The following RNF38 variants were observed in gnomAD, a reference collection of about 807,000 sequenced individuals.
RNF38 encodes the protein E3 ubiquitin-protein ligase RNF38.
Under a neutral mutation model 67.2 loss-of-function variants are expected in RNF38, and 15 were observed. That is an observed-to-expected ratio of 0.22 (90% CI 0.15 to 0.34). The LOEUF is 0.34. Ranked by LOEUF, RNF38 falls within the 10% of genes least tolerant of loss-of-function variation. The pLI, the probability that RNF38 is intolerant of heterozygous loss-of-function variation, is 1.00. For synonymous variants in RNF38, 220 were observed against 218.8 expected (o/e 1.01, Z -0.05); for missense variants, 524 against 639.9 (o/e 0.82, Z 1.95).
intron 4 of RNF38, among the ~76,000 whole-genome samples, chr9:36,364,927 G>A (rs1029458440): frequency 6.6e-6 from 1 of 152,222 alleles, no homozygotes; most frequent in African/African-American, 2.4e-5. Context: ...AGACCAGGGT[G>A]TCAGTGGGCC....
intron 1 of RNF38, among the ~76,000 whole-genome samples, chr9:36,398,974 G>C (rs1837767249): frequency 6.6e-6 from 1 of 151,984 alleles, no homozygotes; most frequent in Non-Finnish European, 1.5e-5. Context: ...AGCACAAACA[G>C]AAACAGCCTA....
intron 9 of RNF38, 69 bp downstream of exon 9, chr9:36,351,046 A>G (rs972271725): frequency 3.5e-6 from 4 of 1,130,010 alleles, no homozygotes; most frequent in Non-Finnish European, 5.2e-6. Flanking sequence ...TGTGGTTTAA[A>G]GAGTTAAGTA....
At chr9:36,468,001 G>C (rs1219785635) in intron 1 of RNF38, among the ~76,000 whole-genome samples, 2 of 152,184 alleles carry the variant, frequency 1.3e-5, no homozygotes, top group Non-Finnish European at 2.9e-5. Flanking sequence ...CCAGCACTTT[G>C]GGATGCCAAG....
intron 11 of RNF38, 102 bp from the exon 12 acceptor site, chr9:36,339,916 T>C: frequency 1.9e-6 from 2 of 1,052,496 alleles, no homozygotes; most frequent in East Asian, 2.6e-5. Context: ...TTACATTCTT[T>C]CTTCCTCTGA....
At chr9:36,344,354 T>G (rs930975713) in intron 10 of RNF38, among the ~76,000 whole-genome samples, 3 of 152,174 alleles carry the variant, frequency 2.0e-5, no homozygotes, top group African/African-American at 7.2e-5. Context: ...TTATGGTATG[T>G]AAATTATATA....
At chr9:36,388,481 CA>C (rs148729022) in intron 2 of RNF38, among the ~76,000 whole-genome samples, 105 of 149,950 alleles carry the variant, frequency 7.0e-4, no homozygotes, top group African/African-American at 2.2e-3. Flanking sequence ...ATATGACTGA[CA>C]AAAAAAAAGC....
intron 1 of RNF38, among the ~76,000 whole-genome samples, chr9:36,476,323 C>A (rs1487712969): frequency 1.3e-5 from 2 of 151,888 alleles, no homozygotes. Flanking sequence ...TCCCCTTGGC[C>A]AAGCTGGTCT....
At chr9:36,469,127 T>TGG (rs2134406028) in intron 1 of RNF38, among the ~76,000 whole-genome samples, 1 of 152,060 alleles carries the variant, frequency 6.6e-6, no homozygotes, top group Non-Finnish European at 1.5e-5. Context: ...AGTAAAACCT[T>TGG]ACACAGAAAC....
At chr9:36,431,521 T>C (rs1357839676) in intron 1 of RNF38, among the ~76,000 whole-genome samples, 1 of 152,198 alleles carries the variant, frequency 6.6e-6, no homozygotes, top group Admixed American at 6.5e-5. Flanking sequence ...TTTTGTTTAC[T>C]GGTTTACTAT....
chr9:36,351,454 T>C (rs1246459698), intron 8 of RNF38, among the ~76,000 whole-genome samples: 1 of 152,190 alleles, frequency 6.6e-6, no homozygotes. Context: ...CACTTTCTCC[T>C]TAAAATAATC....
At chr9:36,416,425 G>C (rs1295463335) in intron 2 of RNF38, among the ~76,000 whole-genome samples, 1 of 152,086 alleles carries the variant, frequency 6.6e-6, no homozygotes, top group Non-Finnish European at 1.5e-5. Flanking sequence ...TTAGAGCAAG[G>C]CTGAGATTTT....
At chr9:36,479,517 A>T (rs556464258) in intron 1 of RNF38, among the ~76,000 whole-genome samples, 1 of 152,352 alleles carries the variant, frequency 6.6e-6, no homozygotes, top group African/African-American at 2.4e-5. Context: ...CACCATGCCC[A>T]GAAGACCAGG....
chr9:36,374,597 C>T (rs1249857573), intron 3 of RNF38, among the ~76,000 whole-genome samples: 1 of 152,138 alleles, frequency 6.6e-6, no homozygotes, highest in East Asian at 1.9e-4. Context: ...GCCTCAGATT[C>T]GCCCGTCTCA....
intron 1 of RNF38, among the ~76,000 whole-genome samples, chr9:36,471,473 G>A (rs561269530): frequency 2.3e-4 from 35 of 152,162 alleles, no homozygotes; most frequent in African/African-American, 7.5e-4. Context: ...GTTTGATTTC[G>A]ACTCCCACCC....
At chr9:36,432,752 CTGG>C (rs1372891219) in intron 1 of RNF38, among the ~76,000 whole-genome samples, 1 of 152,076 alleles carries the variant, frequency 6.6e-6, no homozygotes, top group Non-Finnish European at 1.5e-5. Flanking sequence ...GAGATCCAGC[CTGG>C]TGACACAGTG....
At chr9:36,399,096 T>C (rs1394306436) in intron 1 of RNF38, among the ~76,000 whole-genome samples, 1 of 152,250 alleles carries the variant, frequency 6.6e-6, no homozygotes, top group East Asian at 1.9e-4. Context: ...TGCCATCTTG[T>C]TTACTCTTCA....
At chr9:36,343,612 A>C (rs1833006561) in intron 10 of RNF38, among the ~76,000 whole-genome samples, 1 of 152,196 alleles carries the variant, frequency 6.6e-6, no homozygotes, top group Admixed American at 6.5e-5. Flanking sequence ...ATATAGAGTG[A>C]TTCAAAGCCA....
At chr9:36,442,153 T>G (rs1839206916) in intron 1 of RNF38, among the ~76,000 whole-genome samples, 1 of 152,178 alleles carries the variant, frequency 6.6e-6, no homozygotes, top group Non-Finnish European at 1.5e-5. Context: ...GCCAAAGCCT[T>G]AGCTCAAACC....
chr9:36,373,638 C>A (rs182185561), intron 3 of RNF38, among the ~76,000 whole-genome samples: 1 of 150,140 alleles, frequency 6.7e-6, no homozygotes, highest in Non-Finnish European at 1.5e-5. Context: ...CCCTGTCCCC[C>A]AGGCTGGAGT....
Sources: gnomAD v4.1 joint callset for allele counts (sites outside exome capture counted in the v4.1 genomes callset) on GRCh38, gnomAD v4.1.1 for gene constraint, MANE v1.5 for transcripts, NCBI Gene and HGNC (gene_info 2026-07-23, HGNC 2026-07-21) for gene names.